The following PLPPR1 variants were observed in gnomAD, a reference collection of about 807,000 sequenced individuals.
The protein encoded by PLPPR1 is phospholipid phosphatase-related protein type 1.
PLPPR1 carries 10 observed loss-of-function variants against 33.1 expected under a neutral mutation model. The ratio of observed to expected loss-of-function variants is 0.30; its 90% CI spans 0.19 to 0.51. The LOEUF (loss-of-function observed/expected upper bound fraction) is 0.51. Ranked by LOEUF, PLPPR1 falls within the 20% of genes least tolerant of loss-of-function variation. PLPPR1 has a pLI of 0.97. For synonymous variants in PLPPR1, 151 were observed against 151.0 expected (o/e 1.00, Z 0.00); for missense variants, 304 against 408.1 (o/e 0.74, Z 2.20).
intron 1 of PLPPR1, among the ~76,000 whole-genome samples, chr9:101,083,560 A>G (rs1432549642): frequency 6.6e-6 from 1 of 152,164 alleles, no homozygotes; most frequent in Admixed American, 6.5e-5. Flanking sequence ...GGGACTAACA[A>G]AAATCAATTG....
chr9:101,120,299 A>C (rs1190457426), intron 1 of PLPPR1, among the ~76,000 whole-genome samples: 1 of 152,212 alleles, frequency 6.6e-6, no homozygotes. Context: ...TGATGGCTAG[A>C]TTTGCTGATA....
intron 6 of PLPPR1, 54 bp downstream of exon 6, chr9:101,313,028 CTG>C (rs1410238754): frequency 7.7e-6 from 12 of 1,556,170 alleles, no homozygotes; most frequent in East Asian, 2.2e-5. Context: ...CTCTGAAAAA[CTG>C]TGAGTCAGGT....
At position 101,209,290 on chromosome 9, in the gene PLPPR1, A is replaced by G. The variant is rs149540097; in HGVS notation, c.63+23733A>G. On this transcript the variant is annotated intron_variant, in intron 2 of 7. Coordinates refer to ENST00000374874, the MANE Select transcript of PLPPR1 (RefSeq NM_207299.2). ...AAGCTTTCTCTGAAATGAAATGAAT[A>G]AACTAAGCATGAGGTCTGTGGATTC... Among the ~76,000 whole-genome samples the G allele has an allele frequency of 3.2e-4, 49 of 152,360 alleles. 2 individuals carry two copies. The highest frequency in any genetic ancestry group is 3.1e-3 in the South Asian group (15 of 4,828).
At chr9:101,246,672 G>T (rs1283358373) in intron 2 of PLPPR1, among the ~76,000 whole-genome samples, 3 of 151,994 alleles carry the variant, frequency 2.0e-5, no homozygotes, top group African/African-American at 7.2e-5. Context: ...TATATCTGGT[G>T]CCCATTGCCG....
At chr9:101,073,013 A>G (rs1350980906) in intron 1 of PLPPR1, among the ~76,000 whole-genome samples, 1 of 152,234 alleles carries the variant, frequency 6.6e-6, no homozygotes, top group African/African-American at 2.4e-5. Flanking sequence ...GAGAATACAC[A>G]AACTCATATA....
rs535669536 is a variant in PLPPR1 at position 101,219,888 on chromosome 9, G to T, written c.63+34331G>T. Among the ~76,000 whole-genome samples, 7 of 152,302 alleles carry T rather than the reference G, an allele frequency of 4.6e-5. No homozygotes were observed. The East Asian group carries it at 1.4e-3, about 29-fold the overall frequency. ...CTCATAGCCTTGGCAGAGAGCCAGGGAATCCCTTTGTTTTGTCCCTTGGTG... is the reference window on the plus strand; with the variant it reads ...CTCATAGCCTTGGCAGAGAGCCAGGTAATCCCTTTGTTTTGTCCCTTGGTG... On this transcript the variant is annotated intron_variant, in intron 2 of 7. Coordinates refer to ENST00000374874, the MANE Select transcript of PLPPR1 (RefSeq NM_207299.2).
chr9:101,230,664 T>C (rs539275205), intron 2 of PLPPR1, among the ~76,000 whole-genome samples: 1 of 152,184 alleles, frequency 6.6e-6, no homozygotes, highest in East Asian at 1.9e-4. Flanking sequence ...ACCCAGGCTT[T>C]AGAAGTAATG....
Position 101,294,604 on chromosome 9 carries a change from A to G in PLPPR1, c.385+8368A>G, listed in dbSNP as rs571819360. Among the ~76,000 whole-genome samples the G allele has an allele frequency of 6.8e-4, 103 of 152,262 alleles. 2 individuals carry two copies. Among genetic ancestry groups the G allele is most frequent in the Admixed American group, 4.2e-3 (64 of 15,296 alleles). ...CAGCACATCAAAAAGCTTATCCACC[A>G]TGATCAAGTGGGCTTCATCCCTGGG... is the stretch of plus-strand genomic sequence containing the variant. On this transcript the variant is annotated intron_variant, in intron 4 of 7. Coordinates refer to ENST00000374874, the MANE Select transcript of PLPPR1 (RefSeq NM_207299.2).
At chr9:101,159,407 C>T (rs1831743691) in intron 1 of PLPPR1, among the ~76,000 whole-genome samples, 1 of 152,020 alleles carries the variant, frequency 6.6e-6, no homozygotes, top group African/African-American at 2.4e-5. Flanking sequence ...TGATTTTTCT[C>T]CTGCATAATG....
intron 2 of PLPPR1, among the ~76,000 whole-genome samples, chr9:101,245,737 T>G (rs1371032658): frequency 6.6e-6 from 1 of 151,882 alleles, no homozygotes; most frequent in Non-Finnish European, 1.5e-5. Context: ...CCCTCATCTG[T>G]AACTGGAAAG....
intron 1 of PLPPR1, among the ~76,000 whole-genome samples, chr9:101,116,977 A>G (rs961997868): frequency 1.3e-5 from 2 of 152,144 alleles, no homozygotes; most frequent in Admixed American, 6.5e-5. Context: ...TACCCTGAAT[A>G]TAAAAGACCT....
intron 2 of PLPPR1, among the ~76,000 whole-genome samples, chr9:101,196,864 CAAA>C (rs71498762): frequency 7.9e-6 from 1 of 125,934 alleles, no homozygotes; most frequent in Non-Finnish European, 1.7e-5. Context: ...GACTCTGTCT[CAAA>C]AAAAAAAAAA....
chr9:101,093,933 TCTCCCAACCC>T (rs1178539060), intron 1 of PLPPR1, among the ~76,000 whole-genome samples: 2 of 152,176 alleles, frequency 1.3e-5, no homozygotes, highest in Non-Finnish European at 2.9e-5. Context: ...ACATGTTCTC[TCTCCCAACCC>T]CTTGTTCATG....
chr9:101,044,843 A>T (rs1830125762), intron 1 of PLPPR1, among the ~76,000 whole-genome samples: 1 of 152,198 alleles, frequency 6.6e-6, no homozygotes, highest in Non-Finnish European at 1.5e-5. Flanking sequence ...TGTGGCATTC[A>T]TACAGGGAAT....
At chr9:101,269,763 C>T (rs146621444) in intron 2 of PLPPR1, 117 bp from the exon 3 acceptor site, 16 of 960,614 alleles carry the variant, frequency 1.7e-5, no homozygotes, top group East Asian at 2.4e-5. Flanking sequence ...CGCACACACT[C>T]GCCAATACCA....
intron 1 of PLPPR1, among the ~76,000 whole-genome samples, chr9:101,123,396 G>A (rs1380799259): frequency 1.3e-5 from 2 of 152,122 alleles, no homozygotes; most frequent in African/African-American, 2.4e-5. Flanking sequence ...GTGATAGATG[G>A]GTGCTCACAG....
At position 101,261,401 on chromosome 9, in the gene PLPPR1, T is replaced by C. The variant is rs1475249873; in HGVS notation, c.64-8479T>C. ...TGTATAGTAGACACTCAATATTAGT[T>C]GAATGACTGGATGATCACATTTCGT... On this transcript the variant is annotated intron_variant, in intron 2 of 7. Transcript: ENST00000374874. Among the ~76,000 whole-genome samples, 3 of 152,188 alleles carry C rather than the reference T, an allele frequency of 2.0e-5. No individual in the cohort carries two copies. In the East Asian group the frequency reaches 5.8e-4, roughly 29 times the overall value.
intron 4 of PLPPR1, among the ~76,000 whole-genome samples, chr9:101,302,730 G>A (rs1828776708): frequency 6.6e-6 from 1 of 152,092 alleles, no homozygotes; most frequent in Admixed American, 6.5e-5. Context: ...TGTGGGATAA[G>A]ATTTTTTTAT....
intron 7 of PLPPR1, among the ~76,000 whole-genome samples, chr9:101,323,329 T>C (rs971698465): frequency 6.6e-6 from 1 of 151,666 alleles, no homozygotes; most frequent in African/African-American, 2.4e-5. Context: ...ACACTGTCTC[T>C]ACAAAAAATT....
Sources: gnomAD v4.1 joint callset for allele counts (sites outside exome capture counted in the v4.1 genomes callset) on GRCh38, gnomAD v4.1.1 for gene constraint, MANE v1.5 for transcripts, NCBI Gene and HGNC (gene_info 2026-07-23, HGNC 2026-07-21) for gene names.